The following RAB3C variants were observed in gnomAD, a reference collection of about 807,000 sequenced individuals.
The protein encoded by RAB3C is RAB3C, member RAS oncogene family, also known as ras-related protein Rab-3C.
A neutral mutation model predicts 26.4 loss-of-function variants in RAB3C; 17 were observed. That is an observed-to-expected ratio of 0.64 (90% CI 0.44 to 0.97). The LOEUF (loss-of-function observed/expected upper bound fraction) is 0.97, where lower values mean the gene tolerates loss of function less well. Ranked by LOEUF, RAB3C falls within the 50% of genes least tolerant of loss-of-function variation. The pLI is 0.00. For synonymous variants in RAB3C, 91 were observed against 95.9 expected, an observed-to-expected ratio of 0.95 and a Z score of 0.30; for missense variants, 242 against 281.9, an observed-to-expected ratio of 0.86 and a Z score of 1.01.
chr5:58,806,602 G>T (rs1348331512), intron 3 of RAB3C, among the ~76,000 whole-genome samples: 3 of 152,154 alleles, frequency 2.0e-5, no homozygotes, highest in Non-Finnish European at 4.4e-5. Flanking sequence ...GGGAAAGAAA[G>T]GCAGATGTCC....
intron 4 of RAB3C, among the ~76,000 whole-genome samples, chr5:58,826,900 T>A (rs1743493574): frequency 6.6e-6 from 1 of 152,174 alleles, no homozygotes; most frequent in Non-Finnish European, 1.5e-5. Context: ...TCATAACTAA[T>A]CTAAATACAG....
intron 3 of RAB3C, among the ~76,000 whole-genome samples, chr5:58,809,164 G>T (rs549769125): frequency 6.6e-6 from 1 of 152,128 alleles, no homozygotes; most frequent in Non-Finnish European, 1.5e-5. Context: ...TCAAATTCTC[G>T]TGTAAAATAC....
intron 2 of RAB3C, among the ~76,000 whole-genome samples, chr5:58,707,855 C>A (rs1748976362): frequency 6.6e-6 from 1 of 152,136 alleles, no homozygotes; most frequent in Non-Finnish European, 1.5e-5. Flanking sequence ...ATTTTTCCCC[C>A]CAGCCAGCTC....
At chr5:58,814,007 G>A (rs752824801) in intron 3 of RAB3C, among the ~76,000 whole-genome samples, 13 of 152,104 alleles carry the variant, frequency 8.5e-5, no homozygotes, top group Non-Finnish European at 1.2e-4. Context: ...GCTGAACAGG[G>A]CCCCCAGTCA....
chr5:58,836,992 C>G (rs1274539563), intron 4 of RAB3C, among the ~76,000 whole-genome samples: 1 of 152,136 alleles, frequency 6.6e-6, no homozygotes, highest in East Asian at 1.9e-4. Flanking sequence ...AGTTTACATT[C>G]TTACCAACAG....
intron 3 of RAB3C, among the ~76,000 whole-genome samples, chr5:58,739,812 G>A (rs1741238248): frequency 6.6e-6 from 1 of 152,108 alleles, no homozygotes; most frequent in South Asian, 2.1e-4. Flanking sequence ...AATAACAGTT[G>A]GTTCACATTT....
At chr5:58,644,653 A>T (rs970427517) in intron 2 of RAB3C, among the ~76,000 whole-genome samples, 12 of 152,228 alleles carry the variant, frequency 7.9e-5, no homozygotes, top group African/African-American at 2.9e-4. Context: ...ATCGAGAATC[A>T]AGAAGAAATG....
At chr5:58,704,369 T>G (rs1748904364) in intron 2 of RAB3C, among the ~76,000 whole-genome samples, 1 of 152,202 alleles carries the variant, frequency 6.6e-6, no homozygotes, top group Non-Finnish European at 1.5e-5. Context: ...CAAGTTTGCC[T>G]GCTGGTGTAC....
chr5:58,589,791 G>A (rs1269845684), intron 1 of RAB3C, among the ~76,000 whole-genome samples: 1 of 152,086 alleles, frequency 6.6e-6, no homozygotes, highest in African/African-American at 2.4e-5. Context: ...TTATCAGGTT[G>A]GTCCAATCTA....
intron 3 of RAB3C, among the ~76,000 whole-genome samples, chr5:58,750,010 CTTTT>C (rs1384676547): frequency 6.6e-6 from 1 of 152,034 alleles, no homozygotes; most frequent in African/African-American, 2.4e-5. Flanking sequence ...TTAGCCATTT[CTTTT>C]TTATCTATTA....
chr5:58,694,227 T>G (rs571907734), intron 2 of RAB3C, among the ~76,000 whole-genome samples: 9 of 152,292 alleles, frequency 5.9e-5, no homozygotes, highest in African/African-American at 2.2e-4. Flanking sequence ...GAATGATGGT[T>G]TCCAGTTTCA....
chr5:58,728,972 A>G (rs1297265537), intron 3 of RAB3C, among the ~76,000 whole-genome samples: 1 of 151,978 alleles, frequency 6.6e-6, no homozygotes, highest in Non-Finnish European at 1.5e-5. Context: ...ATCTTTAAAA[A>G]GTCTATTTAC....
At chr5:58,673,344 G>A (rs1419248274) in intron 2 of RAB3C, among the ~76,000 whole-genome samples, 2 of 152,012 alleles carry the variant, frequency 1.3e-5, no homozygotes, top group Admixed American at 6.6e-5. Flanking sequence ...ATTTTCATCA[G>A]AGACCCAATT....
chr5:58,814,176 T>G (rs1743160935), intron 3 of RAB3C, among the ~76,000 whole-genome samples: 1 of 152,148 alleles, frequency 6.6e-6, no homozygotes, highest in Non-Finnish European at 1.5e-5. Flanking sequence ...CGAGCGAGTT[T>G]TCTTCTTTGG....
intron 2 of RAB3C, among the ~76,000 whole-genome samples, chr5:58,713,790 T>C (rs1561297769): frequency 6.6e-6 from 1 of 152,178 alleles, no homozygotes; most frequent in African/African-American, 2.4e-5. Flanking sequence ...TATTCATTGA[T>C]AAAACACAGG....
intron 1 of RAB3C, among the ~76,000 whole-genome samples, chr5:58,592,780 A>G (rs530283615): frequency 1.3e-5 from 2 of 151,984 alleles, no homozygotes; most frequent in East Asian, 1.9e-4. Context: ...TGTTCTTCAT[A>G]TTATTGTGCC....
At chr5:58,742,003 A>T (rs140469127) in intron 3 of RAB3C, 1 of 119,934 alleles carries the variant, frequency 8.3e-6, no homozygotes, top group Non-Finnish European at 1.9e-5. Flanking sequence ...GACTCCGTCT[A>T]AAAAAAAAAA....
intron 3 of RAB3C, among the ~76,000 whole-genome samples, chr5:58,761,061 T>TCACACACACA (rs769194224): frequency 0.021 from 2,706 of 126,456 alleles, 29 homozygotes; most frequent in African/African-American, 0.032. Flanking sequence ...TCTCTCTCTC[T>TCACACACACA]CTCACACACA....
intron 3 of RAB3C, among the ~76,000 whole-genome samples, chr5:58,818,501 G>A (rs1743267133): frequency 6.6e-6 from 1 of 152,026 alleles, no homozygotes; most frequent in African/African-American, 2.4e-5. Context: ...TGAGGTATTT[G>A]TTTTGTTTTG....
Sources: allele counts gnomAD v4.1 joint callset (sites outside exome capture counted in the v4.1 genomes callset), GRCh38; gene constraint gnomAD v4.1.1; transcripts MANE v1.5; gene names NCBI Gene and HGNC (gene_info 2026-07-23, HGNC 2026-07-21).